ADAMTS6: variants seen among roughly 807,000 people sequenced by gnomAD.
ADAMTS6 encodes ADAM metallopeptidase with thrombospondin type 1 motif 6.
A neutral mutation model predicts 144.3 loss-of-function variants in ADAMTS6; 23 were observed. The ratio of observed to expected loss-of-function variants is 0.16; its 90% CI spans 0.11 to 0.23. The LOEUF (loss-of-function observed/expected upper bound fraction) is 0.23, where lower values mean the gene tolerates loss of function less well. Among genes scored for constraint, ADAMTS6 ranks in the 10% least tolerant of loss-of-function variants. The pLI is 1.00. For synonymous variants in ADAMTS6, 444 were observed against 457.5 expected (o/e 0.97, Z 0.38); for missense variants, 999 against 1,379.6 (o/e 0.72, Z 4.37).
intron 7 of ADAMTS6, among the ~76,000 whole-genome samples, chr5:65,404,607 C>T (rs1275998150): frequency 3.9e-5 from 6 of 152,152 alleles, no homozygotes; most frequent in African/African-American, 1.2e-4. Flanking sequence ...AATAAACATA[C>T]ATGTGCATGT....
intron 7 of ADAMTS6, among the ~76,000 whole-genome samples, chr5:65,432,964 T>C (rs1757107563): frequency 1.3e-5 from 2 of 151,982 alleles, no homozygotes; most frequent in African/African-American, 2.4e-5. Context: ...TCCAGTCATA[T>C]ATCCTATAAT....
chr5:65,261,696 C>T (rs1761211480), intron 13 of ADAMTS6, among the ~76,000 whole-genome samples: 1 of 151,940 alleles, frequency 6.6e-6, no homozygotes, highest in South Asian at 2.1e-4. Context: ...CAGACAAAAA[C>T]AAGATAGTGG....
chr5:65,363,319 A>G (rs1445471962), intron 7 of ADAMTS6, among the ~76,000 whole-genome samples: 1 of 152,194 alleles, frequency 6.6e-6, no homozygotes, highest in Non-Finnish European at 1.5e-5. Flanking sequence ...ATATGATAAC[A>G]TACTAAAATG....
chr5:65,239,118 G>A (rs1212756295), intron 15 of ADAMTS6, among the ~76,000 whole-genome samples: 5 of 152,194 alleles, frequency 3.3e-5, no homozygotes, highest in African/African-American at 1.2e-4. Context: ...AGACTGTTGT[G>A]GGGTAGGGGG....
Position 65,300,109 on chromosome 5 carries a change from T to C in ADAMTS6, c.1246A>G (p.Ile416Val). 1.9e-6 allele frequency: 3 copies of C among 1,614,072 alleles called. No individual in the cohort carries two copies. Among genetic ancestry groups the C allele is most frequent in the Non-Finnish European group, 2.5e-6 (3 of 1,180,000 alleles). The change falls in exon 10 of 25, where the codon ATT (isoleucine) becomes GTT (valine). Residue 416 changes from isoleucine (I) to valine (V), a missense_variant. Ile to Val is a conservative substitution (Grantham distance 29). Around this residue, in one of 3 missense-constraint regions of ADAMTS6, gnomAD observed 128 missense variants for 249.0 expected, o/e 0.51. Coordinates refer to ENST00000381055, the MANE Select transcript of ADAMTS6 (RefSeq NM_197941.4). ...GHNFGMNHDGIGNSCGTKGHE... is the reference protein window; with the variant it reads ...GHNFGMNHDGVGNSCGTKGHE... ...CCTTTCGTCCCACAAGAATTTCCAA[T>C]TCCATCATGGTTCATACCAAAACTG...
intron 7 of ADAMTS6, among the ~76,000 whole-genome samples, chr5:65,380,409 TA>T (rs1036400770): frequency 1.3e-5 from 2 of 150,066 alleles, no homozygotes; most frequent in Non-Finnish European, 1.5e-5. Context: ...CCATCTCTAC[TA>T]AAAAAAAATA....
At chr5:65,396,123 T>G (rs535766475) in intron 7 of ADAMTS6, among the ~76,000 whole-genome samples, 1 of 152,200 alleles carries the variant, frequency 6.6e-6, no homozygotes, top group East Asian at 1.9e-4. Context: ...CATAGGAAAT[T>G]TACAGAAATA....
intron 7 of ADAMTS6, among the ~76,000 whole-genome samples, chr5:65,407,203 A>G (rs1477892725): frequency 6.6e-6 from 1 of 152,206 alleles, no homozygotes; most frequent in African/African-American, 2.4e-5. Flanking sequence ...CAAAGTTGAA[A>G]TGAAGGAAAA....
rs76401594 is a variant in ADAMTS6, at chr5:65,340,928, C to T, written c.1074-6843G>A. On this transcript the variant is annotated intron_variant, in intron 7 of 24. Coordinates refer to ENST00000381055, the MANE Select transcript of ADAMTS6 (RefSeq NM_197941.4). ...TATATATAAACCCTACACAGGAACA[C>T]CCAGATACATAGAGCAAATATTATC... Among the ~76,000 whole-genome samples, 583 of 152,044 alleles carry T rather than the reference C, an allele frequency of 3.8e-3. 4 individuals are homozygous for T. The highest frequency in any genetic ancestry group is 0.013 in the African/African-American group (559 of 41,516).
chr5:65,153,619 G>A (rs1296929598), intron 24 of ADAMTS6, among the ~76,000 whole-genome samples: 1 of 152,166 alleles, frequency 6.6e-6, no homozygotes, highest in Non-Finnish European at 1.5e-5. Context: ...AAGGAAGCAA[G>A]GAGTTACTCT....
At chr5:65,337,377 A>G (rs541546442) in intron 7 of ADAMTS6, among the ~76,000 whole-genome samples, 42 of 151,978 alleles carry the variant, frequency 2.8e-4, no homozygotes, top group African/African-American at 1.0e-3. Context: ...TACCTTTTTC[A>G]ATTTCTTTTT....
chr5:65,277,116 G>C (rs1031373675), intron 11 of ADAMTS6, among the ~76,000 whole-genome samples: 2 of 152,110 alleles, frequency 1.3e-5, no homozygotes, highest in African/African-American at 2.4e-5. Context: ...GGACATTTCT[G>C]TTATATGACA....
At chr5:65,307,248 C>G (rs760780006) in intron 9 of ADAMTS6, among the ~76,000 whole-genome samples, 1 of 152,144 alleles carries the variant, frequency 6.6e-6, no homozygotes, top group Non-Finnish European at 1.5e-5. Flanking sequence ...AATTTTTAAG[C>G]CTATGTGTAT....
chr5:65,198,875 A>G (rs16893495), intron 20 of ADAMTS6: 19,813 of 152,302 alleles, frequency 0.13, 1,602 homozygotes, highest in African/African-American at 0.22. Flanking sequence ...TTTTGAGGGA[A>G]GAATGATTCA....
At chr5:65,320,275 A>C (rs1040465179) in intron 9 of ADAMTS6, among the ~76,000 whole-genome samples, 10 of 152,264 alleles carry the variant, frequency 6.6e-5, no homozygotes, top group Non-Finnish European at 1.5e-4. Flanking sequence ...ACAGGCATTA[A>C]AAAACAATAA....
chr5:65,436,665 TCTCTAC>T (rs1397431873), intron 7 of ADAMTS6, among the ~76,000 whole-genome samples: 4 of 151,476 alleles, frequency 2.6e-5, no homozygotes, highest in Non-Finnish European at 4.4e-5. Context: ...GTGAAACCTG[TCTCTAC>T]TAAAAATATT....
In ADAMTS6 at chr5:65,452,822, T is replaced by C; in HGVS notation, c.728A>G (p.Lys243Arg). The C allele has an allele frequency of 6.2e-7, 1 of 1,613,990 alleles. No homozygotes were observed. The highest frequency in any genetic ancestry group is 8.5e-7 in the Non-Finnish European group (1 of 1,179,822). ...INNTHIHHRQ[K>R]RSVSIERFVE... ...AAACCGTTCAATGCTCACTGATCTC[T>C]TCTGTCTGTGGTGGATATGTGTGTT... The change falls in exon 5 of 25, where the codon AAG (lysine) becomes AGG (arginine). Residue 243 changes from lysine to arginine, a missense_variant. Lys to Arg is a conservative substitution (Grantham distance 26). Coordinates refer to ENST00000381055, the MANE Select transcript of ADAMTS6 (RefSeq NM_197941.4).
intron 7 of ADAMTS6, among the ~76,000 whole-genome samples, chr5:65,408,671 T>C (rs1754786939): frequency 6.6e-6 from 1 of 152,136 alleles, no homozygotes; most frequent in African/African-American, 2.4e-5. Flanking sequence ...TACAGAACTC[T>C]CCACCCCAAA....
At chr5:65,446,472 C>T (rs1248601179) in intron 7 of ADAMTS6, among the ~76,000 whole-genome samples, 1 of 152,122 alleles carries the variant, frequency 6.6e-6, no homozygotes, top group Non-Finnish European at 1.5e-5. Context: ...AATTATTTGA[C>T]TTGGTGTGCA....
Sources: allele counts gnomAD v4.1 joint callset (sites outside exome capture counted in the v4.1 genomes callset), GRCh38; gene constraint gnomAD v4.1.1; regional missense constraint gnomAD v4.1.1; transcripts MANE v1.5; gene names NCBI Gene and HGNC (gene_info 2026-07-23, HGNC 2026-07-21).